LRP1B: variants seen among roughly 807,000 people sequenced by gnomAD.
LRP1B encodes the protein LDL receptor related protein 1B.
A neutral mutation model predicts 556.6 loss-of-function variants in LRP1B; 217 were observed. That is an observed-to-expected ratio of 0.39 (90% CI 0.35 to 0.44). The LOEUF (loss-of-function observed/expected upper bound fraction) is 0.44, where lower values mean the gene tolerates loss of function less well. LRP1B is among the 20% of genes least tolerant of loss of function. The pLI is 1.00. For missense variants in LRP1B, 5,053 were observed against 5,620.8 expected, an observed-to-expected ratio of 0.90 and a Z score of 3.23; for synonymous variants, 2,047 against 1,865.8, an observed-to-expected ratio of 1.10 and a Z score of -2.50.
rs141727278 is a variant in LRP1B, at chr2:141,365,699, C to T, written c.344-111058G>A. Among the ~76,000 whole-genome samples, 955 of 97,158 alleles carry T rather than the reference C, an allele frequency of 9.8e-3. 13 individuals are homozygous for T. Among genetic ancestry groups the T allele is most frequent in the African/African-American group, 0.039 (912 of 23,200 alleles). The allele number at this position is 97,158 out of a possible 152,430, so 63.7% of individuals were successfully genotyped here. A position where few individuals can be genotyped will look rare whatever the true frequency, so the allele number is the denominator to read the frequency against. On this transcript the variant is annotated intron_variant, in intron 3 of 90. Transcript: ENST00000389484. ...ACAGAGTCTCGCTCTGTTGCCCGGG[C>T]TGGAGTGCAGTGGCCCAGGCTGGAG...
intron 1 of LRP1B, among the ~76,000 whole-genome samples, chr2:141,973,833 A>G (rs1701811804): frequency 1.3e-5 from 2 of 151,894 alleles, no homozygotes; most frequent in Admixed American, 1.3e-4. Flanking sequence ...TGTTGTAAGC[A>G]TATACCTAAA....
intron 27 of LRP1B, among the ~76,000 whole-genome samples, chr2:140,859,859 G>A (rs181830098): frequency 6.6e-6 from 1 of 152,116 alleles, no homozygotes; most frequent in African/African-American, 2.4e-5. Context: ...GCCGAGTGTG[G>A]CGGCGGACAC....
At chr2:142,016,035 CA>C (rs1238674603) in intron 1 of LRP1B, among the ~76,000 whole-genome samples, 1 of 122,604 alleles carries the variant, frequency 8.2e-6, no homozygotes, top group Admixed American at 8.9e-5. Context: ...GATGAACAGA[CA>C]CTTCTCAAAA....
intron 60 of LRP1B, among the ~76,000 whole-genome samples, chr2:140,469,859 T>G (rs1450485468): frequency 1.3e-5 from 2 of 152,204 alleles, no homozygotes; most frequent in Non-Finnish European, 2.9e-5. Context: ...GATTACTAGC[T>G]CTGTGACTTT....
chr2:141,031,923 C>CAA (rs374189734), intron 11 of LRP1B, among the ~76,000 whole-genome samples: 3 of 145,258 alleles, frequency 2.1e-5, no homozygotes, highest in African/African-American at 7.5e-5. Context: ...CTAGATGCAC[C>CAA]AAAAAAAAAA....
intron 41 of LRP1B, among the ~76,000 whole-genome samples, chr2:140,664,848 A>G (rs1685213226): frequency 6.6e-6 from 1 of 152,142 alleles, no homozygotes; most frequent in Admixed American, 6.5e-5. Flanking sequence ...AACATTATAA[A>G]AAAAATTCTG....
At chr2:141,345,663 T>C (rs2105526448) in intron 3 of LRP1B, among the ~76,000 whole-genome samples, 1 of 151,186 alleles carries the variant, frequency 6.6e-6, no homozygotes, top group South Asian at 2.1e-4. Context: ...CTAATTTTTT[T>C]TTTTTTTTTT....
intron 1 of LRP1B, among the ~76,000 whole-genome samples, chr2:141,992,936 G>A (rs1010543231): frequency 1.3e-5 from 2 of 152,096 alleles, no homozygotes; most frequent in South Asian, 2.1e-4. Context: ...AGATCAAACC[G>A]TATGTTTTAC....
At chr2:141,343,828 G>T (rs1418944085) in intron 3 of LRP1B, among the ~76,000 whole-genome samples, 2 of 152,130 alleles carry the variant, frequency 1.3e-5, no homozygotes, top group African/African-American at 4.8e-5. Flanking sequence ...AATAATAGAA[G>T]AAAATGTTCT....
chr2:142,121,809 C>T (rs2105013355), intron 1 of LRP1B, among the ~76,000 whole-genome samples: 1 of 152,228 alleles, frequency 6.6e-6, no homozygotes, highest in East Asian at 1.9e-4. Flanking sequence ...GTGATTACCA[C>T]TTATTTGCTC....
chr2:141,279,741 C>T (rs1309587473), intron 3 of LRP1B, among the ~76,000 whole-genome samples: 1 of 152,024 alleles, frequency 6.6e-6, no homozygotes, highest in East Asian at 1.9e-4. Context: ...CAAGCTCTGA[C>T]TTACGATTTG....
At chr2:141,073,150 G>T (rs1302181769) in intron 7 of LRP1B, among the ~76,000 whole-genome samples, 1 of 151,928 alleles carries the variant, frequency 6.6e-6, no homozygotes, top group Non-Finnish European at 1.5e-5. Context: ...TCCAAACTTT[G>T]CTACAGAATT....
intron 1 of LRP1B, among the ~76,000 whole-genome samples, chr2:141,968,839 T>A (rs1182697247): frequency 1.3e-5 from 2 of 151,794 alleles, no homozygotes; most frequent in Non-Finnish European, 3.0e-5. Flanking sequence ...TTAAACATCT[T>A]CCAGATTTGC....
At chr2:141,555,567 AAAG>A (rs1318685719) in intron 2 of LRP1B, among the ~76,000 whole-genome samples, 2 of 152,050 alleles carry the variant, frequency 1.3e-5, no homozygotes, top group African/African-American at 4.8e-5. Flanking sequence ...ATTCTTCATA[AAAG>A]AAGATTTTTA....
intron 83 of LRP1B, among the ~76,000 whole-genome samples, chr2:140,308,722 G>C (rs1342992235): frequency 6.6e-6 from 1 of 151,802 alleles, no homozygotes; most frequent in African/African-American, 2.4e-5. Flanking sequence ...AAAACATTGA[G>C]TGTAAGGAAT....
At chr2:140,551,210 A>C (rs1680535635) in intron 43 of LRP1B, among the ~76,000 whole-genome samples, 1 of 152,184 alleles carries the variant, frequency 6.6e-6, no homozygotes, top group African/African-American at 2.4e-5. Flanking sequence ...CAGCTGCTTT[A>C]AATTTTAGTA....
At chr2:140,752,963 ATG>A (rs1688632646) in intron 35 of LRP1B, among the ~76,000 whole-genome samples, 1 of 152,206 alleles carries the variant, frequency 6.6e-6, no homozygotes, top group South Asian at 2.1e-4. Context: ...GTATAATAAC[ATG>A]TATCCACCAA....
chr2:141,068,876 G>T (rs965650910), intron 7 of LRP1B, among the ~76,000 whole-genome samples: 1 of 151,688 alleles, frequency 6.6e-6, no homozygotes, highest in Non-Finnish European at 1.5e-5. Context: ...CTAAATTAAG[G>T]ACTCATTTTG....
chr2:141,875,473 CTAT>C (rs1698727169), intron 1 of LRP1B, among the ~76,000 whole-genome samples: 1 of 151,830 alleles, frequency 6.6e-6, no homozygotes, highest in African/African-American at 2.4e-5. Flanking sequence ...TATTTATTTT[CTAT>C]TATTAAGAAT....
Sources: gnomAD v4.1 joint callset for allele counts (sites outside exome capture counted in the v4.1 genomes callset) on GRCh38, gnomAD v4.1.1 for gene constraint, MANE v1.5 for transcripts, NCBI Gene and HGNC (gene_info 2026-07-23, HGNC 2026-07-21) for gene names.